The following RBFOX3 variants were observed in gnomAD, a reference collection of about 807,000 sequenced individuals.
RBFOX3 encodes the protein RNA binding protein fox-1 homolog 3.
In RBFOX3, 17 loss-of-function variants were observed where a neutral mutation model predicts 48.7. The ratio of observed to expected loss-of-function variants is 0.35; its 90% CI spans 0.24 to 0.52. The LOEUF (loss-of-function observed/expected upper bound fraction) is 0.52, where lower values mean the gene tolerates loss of function less well. RBFOX3 is among the 20% of genes least tolerant of loss of function. The pLI is 0.94. For missense variants in RBFOX3, 382 were observed against 497.5 expected (o/e 0.77, Z 2.21); for synonymous variants, 212 against 209.5 (o/e 1.01, Z -0.10).
chr17:79,290,953 G>A (rs1276721834), intron 3 of RBFOX3, among the ~76,000 whole-genome samples: 1 of 152,228 alleles, frequency 6.6e-6, no homozygotes, highest in African/African-American at 2.4e-5. Flanking sequence ...GCTCAGCTCA[G>A]CTCAGCCTGC....
At position 79,364,855 on chromosome 17, in the gene RBFOX3, G is replaced by T. The variant is rs1450368828; in HGVS notation, c.-174-57031C>A. Among the ~76,000 whole-genome samples, 1 of 152,192 alleles carries T rather than the reference G, an allele frequency of 6.6e-6. No homozygotes were observed. The highest frequency in any genetic ancestry group is 1.5e-5 in the Non-Finnish European group (1 of 68,030). On this transcript the variant is annotated intron_variant, in intron 2 of 14. Transcript: ENST00000693108. The surrounding 1 kb of genome is among the most constrained non-coding windows in gnomAD (Gnocchi z 5.1). ...CTGGGTTGCTCCCTCAGCTGGAGAGGCTACCTTGTGTGGCCAGAACCACTC... is the reference window on the plus strand; with the variant it reads ...CTGGGTTGCTCCCTCAGCTGGAGAGTCTACCTTGTGTGGCCAGAACCACTC...
intron 2 of RBFOX3, among the ~76,000 whole-genome samples, chr17:79,327,666 T>A (rs1029714302): frequency 1.3e-5 from 2 of 152,188 alleles, no homozygotes; most frequent in African/African-American, 4.8e-5. Context: ...ATACTTCTGG[T>A]TTTGCCAAGC....
intron 4 of RBFOX3, among the ~76,000 whole-genome samples, chr17:79,169,430 C>A (rs1360092292): frequency 1.3e-5 from 2 of 152,148 alleles, no homozygotes; most frequent in Non-Finnish European, 2.9e-5. Context: ...GACAGGCCCT[C>A]AAACTGCTCC....
At chr17:79,321,356 G>A (rs35747821) in intron 2 of RBFOX3, among the ~76,000 whole-genome samples, 21 of 152,340 alleles carry the variant, frequency 1.4e-4, no homozygotes, top group South Asian at 4.1e-4. Flanking sequence ...GCAGCAGGAC[G>A]TAGAGAGGCT....
At chr17:79,594,788 G>A (rs977815935) in intron 1 of RBFOX3, among the ~76,000 whole-genome samples, 16 of 152,132 alleles carry the variant, frequency 1.1e-4, no homozygotes, top group East Asian at 3.9e-4. Flanking sequence ...AGGCAGCTGC[G>A]AGGCCTTCCA....
rs2078511789 is a variant in RBFOX3 at position 79,479,796 on chromosome 17, G to A, written c.-175+2658C>T. On this transcript the variant is annotated intron_variant, in intron 2 of 14. Coordinates refer to ENST00000693108, the MANE Select transcript of RBFOX3 (RefSeq NM_001350451.2). The surrounding 1 kb of genome is among the most constrained non-coding windows in gnomAD (Gnocchi z 5.1). The stretch of plus-strand genomic sequence containing the variant: ...TCCTTCTTGGAGGCAGCAGGAAGTG[G>A]CATTTTCAGAGGAGCATGGGAGATG... Among the ~76,000 whole-genome samples the A allele has an allele frequency of 6.6e-6, 1 of 152,192 alleles. No homozygotes were observed. Among genetic ancestry groups the A allele is most frequent in the Non-Finnish European group, 1.5e-5 (1 of 68,028 alleles).
At chr17:79,134,529 T>C (rs1395308706) in intron 4 of RBFOX3, among the ~76,000 whole-genome samples, 2 of 152,338 alleles carry the variant, frequency 1.3e-5, no homozygotes, top group East Asian at 1.9e-4. Context: ...GTGAGGTCTG[T>C]GTTGCATGGT....
intron 1 of RBFOX3, among the ~76,000 whole-genome samples, chr17:79,575,728 G>C (rs2144669757): frequency 6.6e-6 from 1 of 152,336 alleles, no homozygotes; most frequent in South Asian, 2.1e-4. Context: ...TCCGACTTCT[G>C]AGAAAGAGCT....
At chr17:79,100,885 G>T in intron 9 of RBFOX3, among the ~76,000 whole-genome samples, 1 of 152,190 alleles carries the variant, frequency 6.6e-6, no homozygotes, top group East Asian at 1.9e-4. Context: ...TTTGCAGTGG[G>T]GTGCACACAC....
At chr17:79,376,263 G>A (rs907789615) in intron 2 of RBFOX3, among the ~76,000 whole-genome samples, 1 of 152,192 alleles carries the variant, frequency 6.6e-6, no homozygotes, top group East Asian at 1.9e-4. Flanking sequence ...GGAATGAAAT[G>A]ATTTCCTCCC....
intron 2 of RBFOX3, among the ~76,000 whole-genome samples, chr17:79,354,394 T>C (rs2084558403): frequency 6.6e-6 from 1 of 152,196 alleles, no homozygotes; most frequent in Non-Finnish European, 1.5e-5. Context: ...GGCAGACTGA[T>C]GGGGAAATTT....
At chr17:79,200,940 C>T (rs2056658215) in intron 4 of RBFOX3, among the ~76,000 whole-genome samples, 2 of 152,050 alleles carry the variant, frequency 1.3e-5, no homozygotes, top group South Asian at 4.2e-4. Context: ...CCTGGCCAGT[C>T]CCAATTCCCT....
At chr17:79,150,131 G>A in intron 4 of RBFOX3, among the ~76,000 whole-genome samples, 1 of 151,042 alleles carries the variant, frequency 6.6e-6, no homozygotes, top group Non-Finnish European at 1.5e-5. Context: ...CCACAGGGGA[G>A]GGGCAACCAG....
intron 4 of RBFOX3, among the ~76,000 whole-genome samples, chr17:79,141,661 G>C (rs2041938129): frequency 6.6e-6 from 1 of 152,180 alleles, no homozygotes; most frequent in Non-Finnish European, 1.5e-5. Context: ...TGAGTCCTGA[G>C]AAGTTGGGGG....
At chr17:79,435,005 G>T (rs147089264) in intron 2 of RBFOX3, among the ~76,000 whole-genome samples, 1 of 152,276 alleles carries the variant, frequency 6.6e-6, no homozygotes, top group East Asian at 1.9e-4. Context: ...CACCAAGGAA[G>T]GTAACATCAC....
intron 3 of RBFOX3, among the ~76,000 whole-genome samples, chr17:79,239,262 T>C (rs1465548589): frequency 6.6e-6 from 1 of 152,170 alleles, no homozygotes; most frequent in East Asian, 1.9e-4. Flanking sequence ...CCAGGTTCAT[T>C]CCCATTCCAT....
rs1487099749 is a variant in RBFOX3 at position 79,555,453 on chromosome 17, A to G, written c.-320+55373T>C. ...TGGTGATGATGGTAGTTGTGGTGGT[A>G]GTGATGATGATGATGACAATGATAA... is the stretch of plus-strand genomic sequence containing the variant. On this transcript the variant is annotated intron_variant, in intron 1 of 14. Coordinates refer to ENST00000693108, the MANE Select transcript of RBFOX3 (RefSeq NM_001350451.2). 1.8e-3 allele frequency among the ~76,000 whole-genome samples: 165 copies of G among 91,272 alleles called. 2 individuals carry two copies. Among genetic ancestry groups the G allele is most frequent in the African/African-American group, 7.2e-3 (97 of 13,430 alleles). The allele number at this position is 91,272 out of a possible 152,430, so 59.9% of individuals were successfully genotyped here.
chr17:79,455,618 T>G (rs1555744401), intron 2 of RBFOX3, among the ~76,000 whole-genome samples: 1 of 152,084 alleles, frequency 6.6e-6, no homozygotes. Flanking sequence ...CACACTCACA[T>G]GCGCACACGT....
In RBFOX3 at chr17:79,477,255, A is replaced by AT. The variant is rs1444726736; in HGVS notation, c.-175+5198dup. Among the ~76,000 whole-genome samples the AT allele has an allele frequency of 1.0e-4, 7 of 70,264 alleles. No homozygotes were observed. Among genetic ancestry groups the AT allele is most frequent in the African/African-American group, 1.4e-4 (3 of 21,282 alleles). 46.1% of individuals were successfully genotyped at this position (70,264 alleles called of 152,430 possible). ...TTCAAAAAAAAATAAATAAAGATAA[A>AT]TTAAAAAAAAAAAAAAAAAAAGAGG... On this transcript the variant is annotated intron_variant, in intron 2 of 14. Coordinates refer to ENST00000693108, the MANE Select transcript of RBFOX3 (RefSeq NM_001350451.2). This position sits in a 1 kb window ranked among gnomAD's most constrained non-coding sequence, Gnocchi z 4.8.
Sources: gnomAD v4.1 joint callset for allele counts (sites outside exome capture counted in the v4.1 genomes callset) on GRCh38, gnomAD v4.1.1 for gene constraint, Gnocchi (gnomAD v3.1) non-coding constraint, MANE v1.5 for transcripts, NCBI Gene and HGNC (gene_info 2026-07-23, HGNC 2026-07-21) for gene names.